The following CUX1 variants were observed in gnomAD, a reference collection of about 807,000 sequenced individuals.
CUX1 encodes the protein protein CASP.
In CUX1, 31 loss-of-function variants were observed where a neutral mutation model predicts 158.8. The ratio of observed to expected loss-of-function variants is 0.20; its 90% CI spans 0.15 to 0.26. The LOEUF is 0.26. CUX1 is among the 10% of genes least tolerant of loss of function. The pLI, the probability that CUX1 is intolerant of heterozygous loss-of-function variation, is 1.00. For missense variants in CUX1, 1,589 were observed against 2,014.6 expected (o/e 0.79, Z 4.04); for synonymous variants, 879 against 862.1 (o/e 1.02, Z -0.34).
chr7:101,893,849 T>C (rs1801180322), intron 1 of CUX1, among the ~76,000 whole-genome samples: 1 of 152,214 alleles, frequency 6.6e-6, no homozygotes, highest in Admixed American at 6.5e-5. Context: ...CCTTAAAACC[T>C]TCGGAGATTT....
Position 102,248,327 on chromosome 7 carries a change from G to T in CUX1, c.3888-85G>T. 1 of 1,306,894 alleles carries T rather than the reference G, an allele frequency of 7.7e-7. No homozygotes were observed. The highest frequency in any genetic ancestry group is 1.0e-6 in the Non-Finnish European group (1 of 967,576). The allele number at this position is 1,306,894 out of a possible 1,614,324, so 81.0% of individuals were successfully genotyped here. Reference sequence around the variant, plus strand: ...CAGGCTGGACGGAGCAGGAGCCCCAGAGAGAGGGGTCTGGCTGGGGTAGCA... The same window carrying T: ...CAGGCTGGACGGAGCAGGAGCCCCATAGAGAGGGGTCTGGCTGGGGTAGCA... On this transcript the variant is annotated intron_variant, in intron 23 of 23. Transcript: ENST00000292535. The surrounding 1 kb of genome is among the most constrained non-coding windows in gnomAD (Gnocchi z 5.8).
chr7:102,227,577 T>C lies in CUX1; in HGVS notation c.3341T>C (p.Leu1114Pro). The C allele has an allele frequency of 6.2e-7, 1 of 1,614,148 alleles. No homozygotes were observed. Among genetic ancestry groups the C allele is most frequent in the Non-Finnish European group, 8.5e-7 (1 of 1,180,046 alleles). Residue 1114 changes from leucine (L) to proline (P), a missense_variant, in exon 21 of 24, where the codon CTC (leucine) becomes CCC (proline). Physicochemically the swap from Leu to Pro is moderately conservative, Grantham distance 98. This residue lies in a region of CUX1 where 259 missense variants were observed against 373.8 expected (regional missense o/e 0.69). Transcript: ENST00000292535. ...TPLPLSGHSA[L>P]SIQELVAMSP... ...CTGCCTCTCTCCGGACACTCGGCCC[T>C]CAGCATCCAAGAATTAGTAGCCATG...
chr7:102,049,378 A>C (rs1432511857), intron 3 of CUX1, among the ~76,000 whole-genome samples: 2 of 152,244 alleles, frequency 1.3e-5, no homozygotes, highest in Non-Finnish European at 2.9e-5. Flanking sequence ...AGAGAGATCA[A>C]GTAACTTCCT....
downstream of CUX1, among the ~76,000 whole-genome samples, chr7:102,261,723 C>T (rs1330233392): frequency 6.6e-6 from 1 of 151,920 alleles, no homozygotes; most frequent in African/African-American, 2.4e-5. Context: ...TGGCTGATGA[C>T]CGTGAGCAAG....
At position 102,250,008 on chromosome 7, in the gene CUX1, T is replaced by G; in HGVS notation, c.*966T>G. The stretch of plus-strand genomic sequence containing the variant: ...GACCCTGGGTTTTGCAGACCAGGGT[T>G]TGTTTAATACACTCCATTCTAGGCC... On this transcript the variant is annotated 3_prime_UTR_variant, in exon 24 of 24. Transcript: ENST00000292535. The G allele has an allele frequency of 2.0e-6, 2 of 985,124 alleles. No individual in the cohort carries two copies. Among genetic ancestry groups the G allele is most frequent in the Non-Finnish European group, 2.4e-6 (2 of 829,768 alleles). 61.0% of individuals were successfully genotyped at this position (985,124 alleles called of 1,614,324 possible).
Position 102,144,713 on chromosome 7 carries a change from T to G in CUX1, c.675-13847T>G, listed in dbSNP as rs536988993. On this transcript the variant is annotated intron_variant, in intron 8 of 23. Transcript: ENST00000292535. ...GTAAAAATAATAATCATAATAATTT[T>G]TTAATATGATCAGGTAAATCTAGCC... Among the ~76,000 whole-genome samples, 15 of 151,966 alleles carry G rather than the reference T, an allele frequency of 9.9e-5. No individual in the cohort carries two copies. In the East Asian group the frequency reaches 2.9e-3, roughly 29 times the overall value.
intron 1 of CUX1, chr7:101,913,475 T>C (rs1803750099): frequency 8.8e-7 from 1 of 1,137,544 alleles, no homozygotes; most frequent in South Asian, 1.4e-5. Flanking sequence ...TGTTTCAGTT[T>C]CCTCCTCCAC....
chr7:102,070,956 TTTTA>T (rs1826065902), intron 4 of CUX1, among the ~76,000 whole-genome samples: 1 of 151,916 alleles, frequency 6.6e-6, no homozygotes, highest in African/African-American at 2.4e-5. Flanking sequence ...TTTTTTCTAA[TTTTA>T]TTTATTTATT....
chr7:102,263,584 G>A (rs1321300735), intron 14 of CUX1, among the ~76,000 whole-genome samples: 1 of 152,092 alleles, frequency 6.6e-6, no homozygotes, highest in Non-Finnish European at 1.5e-5. Context: ...CCATAGTGCT[G>A]GGATTACAGA....
chr7:101,998,717 C>T (rs1160647293), intron 2 of CUX1, among the ~76,000 whole-genome samples: 1 of 152,218 alleles, frequency 6.6e-6, no homozygotes, highest in African/African-American at 2.4e-5. Flanking sequence ...CAGCCTCGGC[C>T]TCCAGTGCCT....
chr7:101,984,507 A>C (rs529206200), intron 2 of CUX1, among the ~76,000 whole-genome samples: 1,846 of 151,744 alleles, frequency 0.012, 14 homozygotes, highest in South Asian at 0.027. Context: ...AAAAAAAAAA[A>C]AAAAAAAAAG....
intron 3 of CUX1, among the ~76,000 whole-genome samples, chr7:102,036,917 G>A (rs1425065751): frequency 6.6e-6 from 1 of 152,166 alleles, no homozygotes; most frequent in Non-Finnish European, 1.5e-5. Context: ...GAGACCGAGT[G>A]CACTGGCTGC....
At chr7:102,276,114 C>T (rs936284271) in intron 17 of CUX1, among the ~76,000 whole-genome samples, 2 of 152,068 alleles carry the variant, frequency 1.3e-5, no homozygotes, top group Admixed American at 1.3e-4. Flanking sequence ...ACATTGCTTC[C>T]ACCTTTTGGC....
intron 8 of CUX1, among the ~76,000 whole-genome samples, chr7:102,144,001 C>T (rs1585888062): frequency 1.3e-5 from 2 of 152,134 alleles, no homozygotes; most frequent in Non-Finnish European, 1.5e-5. Flanking sequence ...AGGCTGGTCT[C>T]GAACTCCTGA....
chr7:101,956,038 C>T (rs1248792220), intron 2 of CUX1, among the ~76,000 whole-genome samples: 1 of 142,908 alleles, frequency 7.0e-6, no homozygotes, highest in African/African-American at 2.6e-5. Context: ...AAAAATTAGC[C>T]GGGTGAGGTG....
chr7:102,044,938 G>A (rs937604389), intron 3 of CUX1, among the ~76,000 whole-genome samples: 2 of 152,220 alleles, frequency 1.3e-5, no homozygotes, highest in African/African-American at 4.8e-5. Flanking sequence ...GACCTTTGCT[G>A]GGGAACTGAC....
intron 11 of CUX1, chr7:102,187,139 A>G (rs913268093): frequency 6.6e-6 from 1 of 152,232 alleles, no homozygotes; most frequent in African/African-American, 2.4e-5. Flanking sequence ...ATTAGGGCCA[A>G]TCACAGGCCT....
At chr7:102,224,548 C>T (rs1460603076) in intron 20 of CUX1, among the ~76,000 whole-genome samples, 1 of 152,240 alleles carries the variant, frequency 6.6e-6, no homozygotes, top group Non-Finnish European at 1.5e-5. Flanking sequence ...CGCCACATGT[C>T]ACTTTCACAT....
intron 1 of CUX1, among the ~76,000 whole-genome samples, chr7:101,880,440 A>G (rs1024820160): frequency 7.9e-5 from 12 of 152,254 alleles, no homozygotes; most frequent in Middle Eastern, 3.4e-3. Context: ...AAAGAAACAG[A>G]TGGTTCATCA....
Sources: gnomAD v4.1 joint callset for allele counts (sites outside exome capture counted in the v4.1 genomes callset) on GRCh38, gnomAD v4.1.1 for gene constraint, gnomAD v4.1.1 regional missense constraint, Gnocchi (gnomAD v3.1) non-coding constraint, MANE v1.5 for transcripts, NCBI Gene and HGNC (gene_info 2026-07-23, HGNC 2026-07-21) for gene names.